ALDH5A1: variants seen among roughly 807,000 people sequenced by gnomAD.
ALDH5A1 encodes the protein aldehyde dehydrogenase 5 family member A1.
A neutral mutation model predicts 54.7 loss-of-function variants in ALDH5A1; 33 were observed. The observed-to-expected ratio is 0.60, with a 90% CI of 0.46 to 0.81. ALDH5A1 has a LOEUF of 0.81. ALDH5A1 is among the 30% of genes least tolerant of loss of function. The pLI is 0.00. For missense variants in ALDH5A1, 657 were observed against 711.0 expected (o/e 0.92, Z 0.86); for synonymous variants, 294 against 292.7 (o/e 1.00, Z -0.05).
intron 1 of ALDH5A1, among the ~76,000 whole-genome samples, chr6:24,501,372 T>G (rs1009176036): frequency 6.6e-6 from 1 of 152,206 alleles, no homozygotes. Context: ...ATCAACTTGA[T>G]GGAAGGAACT....
At chr6:24,516,560 C>CT (rs1440039317) in intron 5 of ALDH5A1, among the ~76,000 whole-genome samples, 2 of 151,644 alleles carry the variant, frequency 1.3e-5, no homozygotes, top group East Asian at 1.9e-4. Flanking sequence ...AGATGGTGTG[C>CT]TTTTTTCTAC....
intron 1 of ALDH5A1, among the ~76,000 whole-genome samples, chr6:24,496,318 T>C (rs1764703924): frequency 6.6e-6 from 1 of 152,066 alleles, no homozygotes; most frequent in Non-Finnish European, 1.5e-5. Context: ...ACAACAAACA[T>C]AATATCTAAG....
At chr6:24,522,993 A>G in intron 7 of ALDH5A1, 68 bp downstream of exon 7, 1 of 1,514,508 alleles carries the variant, frequency 6.6e-7, no homozygotes, top group Non-Finnish European at 9.0e-7. Context: ...AATCAGCAAA[A>G]AACACTTTGG....
intron 1 of ALDH5A1, among the ~76,000 whole-genome samples, chr6:24,497,808 G>C (rs116478188): frequency 1.3e-5 from 2 of 152,172 alleles, no homozygotes; most frequent in African/African-American, 4.8e-5. Flanking sequence ...TTTTTACTTT[G>C]AGTAAAGAGG....
chr6:24,517,417 G>A lies in ALDH5A1; in HGVS notation c.870+2107G>A, dbSNP rs536593635. On this transcript the variant is annotated intron_variant, in intron 5 of 9. Coordinates refer to ENST00000357578, the MANE Select transcript of ALDH5A1 (RefSeq NM_001080.3). The stretch of plus-strand genomic sequence containing the variant: ...TACCATTCATTCATAATAGAAATAG[G>A]AATTTTTAGATCCATAAACTGCTAT... Among the ~76,000 whole-genome samples, 5 of 152,276 alleles carry A rather than the reference G, an allele frequency of 3.3e-5. No individual in the cohort carries two copies. The South Asian group carries it at 1.0e-3, about 32-fold the overall frequency.
chr6:24,514,094 A>C (rs1455266567), intron 4 of ALDH5A1, among the ~76,000 whole-genome samples: 1 of 152,256 alleles, frequency 6.6e-6, no homozygotes, highest in Non-Finnish European at 1.5e-5. Flanking sequence ...AAAATAATTC[A>C]GGATATGTCT....
At chr6:24,519,969 C>A (rs943653294) in intron 5 of ALDH5A1, among the ~76,000 whole-genome samples, 2 of 72,878 alleles carry the variant, frequency 2.7e-5, no homozygotes, top group Admixed American at 2.2e-4. Flanking sequence ...TTAATGTTTA[C>A]CATGACAAGT....
At chr6:24,511,643 A>G (rs1262800433) in intron 4 of ALDH5A1, among the ~76,000 whole-genome samples, 2 of 151,178 alleles carry the variant, frequency 1.3e-5, no homozygotes, top group African/African-American at 4.9e-5. Flanking sequence ...TTGCATTTCT[A>G]TAAGTGCACC....
chr6:24,497,288 C>T (rs1245339286), intron 1 of ALDH5A1, among the ~76,000 whole-genome samples: 1 of 152,136 alleles, frequency 6.6e-6, no homozygotes, highest in Non-Finnish European at 1.5e-5. Context: ...ATCCTCCCTG[C>T]GATTGGCTAC....
rs1760011875 is a variant in ALDH5A1 at position 24,534,779 on chromosome 6, C to T, written c.*1067C>T. The stretch of plus-strand genomic sequence containing the variant: ...GACCTGAGCCTGAGTAAGTGGCTGT[C>T]ACCTGAGCCTGTTCTTTCTGTCCTG... On this transcript the variant is annotated 3_prime_UTR_variant, in exon 10 of 10. Transcript: ENST00000357578. 1 of 152,264 alleles carries T rather than the reference C, an allele frequency of 6.6e-6. No homozygotes were observed. The highest frequency in any genetic ancestry group is 1.5e-5 in the Non-Finnish European group (1 of 68,098). 9.4% of individuals were successfully genotyped at this position (152,264 alleles called of 1,614,324 possible).
chr6:24,505,871 G>A (rs979788302), intron 4 of ALDH5A1, among the ~76,000 whole-genome samples: 1 of 152,052 alleles, frequency 6.6e-6, no homozygotes, highest in African/African-American at 2.4e-5. Context: ...AAGAGGCTGA[G>A]GCAGGAGAAT....
chr6:24,516,500 A>G (rs1480510296), intron 5 of ALDH5A1, among the ~76,000 whole-genome samples: 1 of 151,758 alleles, frequency 6.6e-6, no homozygotes, highest in Non-Finnish European at 1.5e-5. Flanking sequence ...AATGTCCAAA[A>G]GAGAAAAAAT....
chr6:24,507,014 C>T (rs1373190449), intron 4 of ALDH5A1, among the ~76,000 whole-genome samples: 2 of 152,192 alleles, frequency 1.3e-5, no homozygotes, highest in African/African-American at 4.8e-5. Context: ...TCCTTAATCC[C>T]TCTTGGCTAT....
chr6:24,523,977 T>C (rs1187887968), intron 7 of ALDH5A1, among the ~76,000 whole-genome samples: 1 of 132,236 alleles, frequency 7.6e-6, no homozygotes, highest in East Asian at 2.1e-4. Flanking sequence ...AAACATCCAG[T>C]TTTTTGTGTT....
At chr6:24,532,521 G>A (rs1581827115) in intron 9 of ALDH5A1, among the ~76,000 whole-genome samples, 1 of 152,080 alleles carries the variant, frequency 6.6e-6, no homozygotes, top group African/African-American at 2.4e-5. Flanking sequence ...TCCCTTTTGC[G>A]TGGCTCCTGT....
chr6:24,506,273 T>TTTTTG (rs1390825941), intron 4 of ALDH5A1, among the ~76,000 whole-genome samples: 3 of 105,026 alleles, frequency 2.9e-5, no homozygotes, highest in African/African-American at 1.2e-4. Flanking sequence ...TTTTTTTTTT[T>TTTTTG]GAGACAGTCT....
chr6:24,502,491 AT>A, intron 1 of ALDH5A1, 31 bp from the exon 2 acceptor site: 1 of 1,500,098 alleles, frequency 6.7e-7, no homozygotes, highest in Non-Finnish European at 9.3e-7. Flanking sequence ...TTGGCATTTT[AT>A]TACTTTTCTG....
chr6:24,530,950 C>G (rs1284050346), intron 8 of ALDH5A1, among the ~76,000 whole-genome samples: 5 of 152,362 alleles, frequency 3.3e-5, no homozygotes, highest in South Asian at 2.1e-4. Context: ...CGAGCTCGCT[C>G]TCACGTGAGG....
At chr6:24,527,722 G>A (rs923372228) in intron 7 of ALDH5A1, among the ~76,000 whole-genome samples, 6 of 152,156 alleles carry the variant, frequency 3.9e-5, no homozygotes, top group East Asian at 1.9e-4. Context: ...CGGCTGAGCC[G>A]CAGGCCTAGA....
Sources: gnomAD v4.1 joint callset for allele counts (sites outside exome capture counted in the v4.1 genomes callset) on GRCh38, gnomAD v4.1.1 for gene constraint, MANE v1.5 for transcripts, NCBI Gene and HGNC (gene_info 2026-07-23, HGNC 2026-07-21) for gene names.